Variants in SMARCC1 observed in about 807,000 individuals in gnomAD.
SMARCC1 encodes the protein SWI/SNF related BAF chromatin remodeling complex subunit C1.
In SMARCC1, 43 loss-of-function variants were observed where a neutral mutation model predicts 147.4. The observed-to-expected ratio is 0.29, with a 90% CI of 0.23 to 0.38. The LOEUF (loss-of-function observed/expected upper bound fraction) is 0.38. Ranked by LOEUF, SMARCC1 falls within the 10% of genes least tolerant of loss-of-function variation. The pLI is 1.00. For synonymous variants in SMARCC1, 495 were observed against 484.4 expected (o/e 1.02, Z -0.29); for missense variants, 1,119 against 1,381.1 (o/e 0.81, Z 3.01).
chr3:47,700,731 G>A (rs2033907676), intron 11 of SMARCC1, among the ~76,000 whole-genome samples: 1 of 152,112 alleles, frequency 6.6e-6, no homozygotes, highest in Admixed American at 6.5e-5. Flanking sequence ...CACCACATTG[G>A]CCAGGCTGGT....
intron 12 of SMARCC1, among the ~76,000 whole-genome samples, chr3:47,689,785 AAG>A (rs1429200867): frequency 6.6e-6 from 1 of 152,196 alleles, no homozygotes. Context: ...GAAGTGAGTA[AAG>A]AATGATGAGT....
intron 9 of SMARCC1, among the ~76,000 whole-genome samples, chr3:47,707,689 C>T (rs1267956421): frequency 1.3e-5 from 2 of 152,138 alleles, no homozygotes; most frequent in East Asian, 3.9e-4. Context: ...GCCTGGGAAA[C>T]ATAGTAAGAC....
In SMARCC1 at chr3:47,634,855, T is replaced by C. The variant is rs76090639; in HGVS notation, c.2646+335A>G. 7.7e-3 allele frequency among the ~76,000 whole-genome samples: 1,170 copies of C among 152,342 alleles called. 82 individuals carry two copies. The East Asian group carries it at 0.17, about 22-fold the overall frequency. On this transcript the variant is annotated intron_variant, in intron 24 of 27. Transcript: ENST00000254480. ...AAATATTTCAATCTGGTAGAAATTATTGGAACAATAGTCCAAGATAAGTTC... is the reference window on the plus strand; with the variant it reads ...AAATATTTCAATCTGGTAGAAATTACTGGAACAATAGTCCAAGATAAGTTC...
chr3:47,781,660 C>T lies in SMARCC1; in HGVS notation c.138G>A (p.Pro46=). 6.4e-7 allele frequency: 1 copy of T among 1,558,442 alleles called. No homozygotes were observed. Among genetic ancestry groups the T allele is most frequent in the South Asian group, 1.2e-5 (1 of 85,766 alleles). The change falls in exon 1 of 28, where the codon CCG becomes CCA. Residue 46 remains proline (P), a synonymous_variant. Transcript: ENST00000254480. ...CCGAATCCAGCTGGGACACCGTCTCCGGGCTCTCCCAAAACTTGGTGGCCG... is the reference window on the plus strand; with the variant it reads ...CCGAATCCAGCTGGGACACCGTCTCTGGGCTCTCCCAAAACTTGGTGGCCG... ...GGPATKFWES[P]ETVSQLDSVR...
chr3:47,703,672 T>G (rs1368734582), intron 10 of SMARCC1, among the ~76,000 whole-genome samples: 3 of 152,242 alleles, frequency 2.0e-5, no homozygotes, highest in Non-Finnish European at 4.4e-5. Context: ...AACAGCATGC[T>G]GGGCCAGCCT....
chr3:47,738,885 G>A (rs750635851), intron 3 of SMARCC1, among the ~76,000 whole-genome samples: 3 of 152,170 alleles, frequency 2.0e-5, no homozygotes, highest in Non-Finnish European at 4.4e-5. Context: ...CTTGATAGCT[G>A]GGGGTATCCC....
Position 47,590,652 on chromosome 3 carries a change from G to T in SMARCC1, c.3220+9C>A, listed in dbSNP as rs375307441. The stretch of plus-strand genomic sequence containing the variant: ...CTGAGATAATGCATCCCCCCTCCAT[G>T]TTACTTACACATGCCGTTAGGTGCT... On this transcript the variant is annotated intron_variant, in intron 27 of 27. Transcript: ENST00000254480. 50 of 1,504,622 alleles carry T rather than the reference G, an allele frequency of 3.3e-5. 1 individual carries two copies. Among genetic ancestry groups the T allele is most frequent in the Non-Finnish European group, 4.3e-5 (49 of 1,131,940 alleles). 93.2% of individuals were successfully genotyped at this position (1,504,622 alleles called of 1,614,324 possible).
chr3:47,712,288 C>T (rs887161137), intron 8 of SMARCC1, among the ~76,000 whole-genome samples: 2 of 151,126 alleles, frequency 1.3e-5, no homozygotes, highest in African/African-American at 2.4e-5. Flanking sequence ...TAAATAGAGG[C>T]TTAAGCTAGT....
intron 2 of SMARCC1, among the ~76,000 whole-genome samples, chr3:47,758,682 T>C (rs2034733275): frequency 6.6e-6 from 1 of 152,210 alleles, no homozygotes. Context: ...CTAAAATATT[T>C]ACTATCTAGA....
At chr3:47,600,998 TGAGAGAGAGAGAGAGAGAGAGAGA>T (rs66582985) in intron 26 of SMARCC1, among the ~76,000 whole-genome samples, 5 of 85,192 alleles carry the variant, frequency 5.9e-5, no homozygotes, top group African/African-American at 1.5e-4. Context: ...AGGAAGAAAA[TGAGAGAGAGAGAGAGAGAGAGAGA>T]GAGAGAGAGA....
At chr3:47,759,618 CAAAAA>C (rs796811233) in intron 2 of SMARCC1, among the ~76,000 whole-genome samples, 4 of 63,794 alleles carry the variant, frequency 6.3e-5, no homozygotes, top group Admixed American at 3.5e-4. Context: ...GACTCCGTCT[CAAAAA>C]AAAAAAAAAA....
intron 15 of SMARCC1, among the ~76,000 whole-genome samples, chr3:47,678,774 T>G (rs1017568200): frequency 2.6e-5 from 4 of 152,084 alleles, no homozygotes; most frequent in Non-Finnish European, 5.9e-5. Flanking sequence ...AAACACTGAG[T>G]TGTTAGAGAA....
intron 26 of SMARCC1, among the ~76,000 whole-genome samples, chr3:47,607,251 T>C (rs1343294123): frequency 6.6e-6 from 1 of 152,206 alleles, no homozygotes; most frequent in African/African-American, 2.4e-5. Flanking sequence ...AGTCTGACGA[T>C]GGTAGTAATT....
chr3:47,618,801 A>G (rs2032685743), intron 25 of SMARCC1, among the ~76,000 whole-genome samples: 1 of 152,104 alleles, frequency 6.6e-6, no homozygotes, highest in Non-Finnish European at 1.5e-5. Flanking sequence ...CTTTGAAGAG[A>G]AAGCAATTTA....
chr3:47,762,397 C>G (rs1576434667), intron 2 of SMARCC1, among the ~76,000 whole-genome samples: 1 of 152,258 alleles, frequency 6.6e-6, no homozygotes, highest in African/African-American at 2.4e-5. Context: ...CAGACTGATC[C>G]AGTTGGTGAG....
intron 25 of SMARCC1, among the ~76,000 whole-genome samples, chr3:47,611,181 AG>A (rs1263270477): frequency 6.6e-6 from 1 of 152,250 alleles, no homozygotes; most frequent in Non-Finnish European, 1.5e-5. Context: ...GATCTCTGAA[AG>A]TAGTATAAAA....
chr3:47,766,240 T>C (rs1022919400), intron 2 of SMARCC1, among the ~76,000 whole-genome samples: 3 of 152,100 alleles, frequency 2.0e-5, no homozygotes, highest in Admixed American at 6.6e-5. Flanking sequence ...TAAACACAGA[T>C]GCTTATAATC....
intron 2 of SMARCC1, among the ~76,000 whole-genome samples, chr3:47,747,576 T>C (rs1186484190): frequency 6.7e-6 from 1 of 148,276 alleles, no homozygotes; most frequent in Non-Finnish European, 1.5e-5. Flanking sequence ...AGTCAAGCTG[T>C]AGTGAACTGT....
chr3:47,752,342 T>G (rs2034638427), intron 2 of SMARCC1, among the ~76,000 whole-genome samples: 1 of 152,186 alleles, frequency 6.6e-6, no homozygotes, highest in South Asian at 2.1e-4. Flanking sequence ...GAACCTTGAC[T>G]GTATCTCCCA....
Sources: allele counts gnomAD v4.1 joint callset (sites outside exome capture counted in the v4.1 genomes callset), GRCh38; gene constraint gnomAD v4.1.1; transcripts MANE v1.5; gene names NCBI Gene and HGNC (gene_info 2026-07-23, HGNC 2026-07-21).